The following TOX3 variants were observed in gnomAD, a reference collection of about 807,000 sequenced individuals.
The protein encoded by TOX3 is TOX high mobility group box family member 3.
TOX3 carries 22 observed loss-of-function variants against 64.3 expected under a neutral mutation model. The ratio of observed to expected loss-of-function variants is 0.34; its 90% CI spans 0.24 to 0.49. The LOEUF (loss-of-function observed/expected upper bound fraction) is 0.49. TOX3 is among the 20% of genes least tolerant of loss of function. The pLI, the probability that TOX3 is intolerant of heterozygous loss-of-function variation, is 0.99. For synonymous variants in TOX3, 291 were observed against 273.6 expected, an observed-to-expected ratio of 1.06 and a Z score of -0.63; for missense variants, 661 against 714.4, an observed-to-expected ratio of 0.93 and a Z score of 0.85.
Position 52,439,166 on chromosome 16 carries a change from G to A in TOX3, c.*59C>T. The A allele has an allele frequency of 6.2e-7, 1 of 1,609,096 alleles. No individual in the cohort carries two copies. The highest frequency in any genetic ancestry group is 1.1e-5 in the South Asian group (1 of 89,792). On this transcript the variant is annotated 3_prime_UTR_variant, in exon 7 of 7. Transcript: ENST00000219746. ...CAACTTACAGGTTTCAGCCACATAT[G>A]CTTTTCCCTCCTATGCCACTCTCCT...
chr16:52,540,879 A>G (rs942805039), intron 1 of TOX3, among the ~76,000 whole-genome samples: 2 of 152,216 alleles, frequency 1.3e-5, no homozygotes, highest in Admixed American at 6.5e-5. Context: ...TGAACCATCC[A>G]AAACAACCTG....
At chr16:52,448,327 C>T (rs531785076) in intron 4 of TOX3, among the ~76,000 whole-genome samples, 1 of 152,298 alleles carries the variant, frequency 6.6e-6, no homozygotes, top group Non-Finnish European at 1.5e-5. Context: ...CTAGGAGTCC[C>T]ATAAGAGGTC....
At chr16:52,454,820 T>A (rs1213083834) in intron 3 of TOX3, among the ~76,000 whole-genome samples, 1 of 152,164 alleles carries the variant, frequency 6.6e-6, no homozygotes, top group Non-Finnish European at 1.5e-5. Context: ...TTAAACAAAA[T>A]CCTGAATGGA....
intron 1 of TOX3, among the ~76,000 whole-genome samples, chr16:52,545,332 C>A (rs1367943256): frequency 6.6e-6 from 1 of 152,194 alleles, no homozygotes; most frequent in Middle Eastern, 3.2e-3. Flanking sequence ...CTGTGCCAGA[C>A]GCTGAGCTGG....
intron 3 of TOX3, among the ~76,000 whole-genome samples, chr16:52,451,365 A>G (rs1333822876): frequency 6.6e-6 from 1 of 152,224 alleles, no homozygotes; most frequent in African/African-American, 2.4e-5. Flanking sequence ...GCTTTTTCTG[A>G]AACTTATTGC....
intron 3 of TOX3, among the ~76,000 whole-genome samples, chr16:52,453,356 G>A (rs2068767980): frequency 6.6e-6 from 1 of 151,756 alleles, no homozygotes; most frequent in Non-Finnish European, 1.5e-5. Flanking sequence ...GCTAATTTTT[G>A]TATTTTTAGT....
At chr16:52,545,620 G>C (rs1963157053) in intron 1 of TOX3, among the ~76,000 whole-genome samples, 1 of 152,216 alleles carries the variant, frequency 6.6e-6, no homozygotes, top group African/African-American at 2.4e-5. Flanking sequence ...AAAAGAGAGG[G>C]AGGAGGGAGG....
chr16:52,534,874 A>T (rs111721529), intron 1 of TOX3, among the ~76,000 whole-genome samples: 3 of 152,290 alleles, frequency 2.0e-5, no homozygotes, highest in African/African-American at 7.2e-5. Flanking sequence ...CTCAGGAAAA[A>T]TTTTGAAAAG....
chr16:52,486,632 A>G lies in TOX3; in HGVS notation c.88-18058T>C, dbSNP rs532123458. 1.3e-3 allele frequency among the ~76,000 whole-genome samples: 200 copies of G among 152,274 alleles called. 2 individuals carry two copies. The highest frequency in any genetic ancestry group is 4.6e-3 in the African/African-American group (191 of 41,554). ...CCTGCTATGGCCAAGGAAGAATTAT[A>G]GATATAAAGAAATTGTGGGCTGGGT... On this transcript the variant is annotated intron_variant, in intron 1 of 6. Coordinates refer to ENST00000219746, the MANE Select transcript of TOX3 (RefSeq NM_001080430.4).
intron 4 of TOX3, 37 bp from the exon 5 acceptor site, chr16:52,446,258 A>G (rs1421397550): frequency 8.2e-6 from 13 of 1,591,012 alleles, no homozygotes; most frequent in Non-Finnish European, 1.1e-5. Flanking sequence ...CCTAGAATGT[A>G]CTTGCAGAGA....
At chr16:52,538,283 T>G (rs895608210) in intron 1 of TOX3, among the ~76,000 whole-genome samples, 2 of 152,160 alleles carry the variant, frequency 1.3e-5, no homozygotes, top group Non-Finnish European at 2.9e-5. Flanking sequence ...TCATACATAT[T>G]TAATAAAAGT....
intron 1 of TOX3, among the ~76,000 whole-genome samples, chr16:52,541,688 T>C (rs1163344776): frequency 6.6e-6 from 1 of 152,234 alleles, no homozygotes; most frequent in African/African-American, 2.4e-5. Context: ...CTTTGAAAAC[T>C]GTGACCACCT....
chr16:52,447,141 G>A (rs1177822916), intron 4 of TOX3, among the ~76,000 whole-genome samples: 1 of 152,116 alleles, frequency 6.6e-6, no homozygotes, highest in Non-Finnish European at 1.5e-5. Flanking sequence ...TAAGTTCACT[G>A]ATCATTTAAC....
intron 1 of TOX3, among the ~76,000 whole-genome samples, chr16:52,504,825 T>TTTTG (rs57996503): frequency 5.5e-4 from 82 of 150,274 alleles, no homozygotes; most frequent in South Asian, 1.9e-3. Context: ...AAGAGGGTCT[T>TTTTG]TTTGTTTGTT....
intron 5 of TOX3, 151 bp from the exon 6 acceptor site, chr16:52,444,507 A>G: frequency 2.3e-6 from 1 of 435,390 alleles, no homozygotes; most frequent in South Asian, 6.7e-5. Context: ...ATGCACACAC[A>G]CACACACACA....
chr16:52,531,011 C>T (rs1252416485), intron 1 of TOX3, among the ~76,000 whole-genome samples: 1 of 152,142 alleles, frequency 6.6e-6, no homozygotes, highest in East Asian at 1.9e-4. Context: ...GTCAAAACTA[C>T]AGTGTCTTCT....
chr16:52,494,893 T>G (rs998220045), intron 1 of TOX3, among the ~76,000 whole-genome samples: 10 of 152,358 alleles, frequency 6.6e-5, no homozygotes, highest in African/African-American at 2.4e-4. Context: ...GGTATGAGTT[T>G]ATGTCAAATG....
chr16:52,495,152 G>A (rs1047729131), intron 1 of TOX3, among the ~76,000 whole-genome samples: 2 of 152,086 alleles, frequency 1.3e-5, no homozygotes, highest in African/African-American at 4.8e-5. Flanking sequence ...CCCATCAATT[G>A]ACAAAGCAAT....
At chr16:52,465,468 TG>T (rs1960835080) in intron 2 of TOX3, among the ~76,000 whole-genome samples, 3 of 144,168 alleles carry the variant, frequency 2.1e-5, no homozygotes, top group Non-Finnish European at 3.0e-5. Context: ...TGTTTCTTTT[TG>T]GTTTTTTTTT....
Sources: allele counts gnomAD v4.1 joint callset (sites outside exome capture counted in the v4.1 genomes callset), GRCh38; gene constraint gnomAD v4.1.1; transcripts MANE v1.5; gene names NCBI Gene and HGNC (gene_info 2026-07-23, HGNC 2026-07-21).